Variants in SLC9C2 observed in about 807,000 individuals in gnomAD.
The protein encoded by SLC9C2 is sodium/hydrogen exchanger 11.
SLC9C2 carries 75 observed loss-of-function variants against 140.2 expected under a neutral mutation model. The observed-to-expected ratio is 0.53, with a 90% confidence interval of 0.44 to 0.65. The LOEUF (loss-of-function observed/expected upper bound fraction) is 0.65, where lower values mean the gene tolerates loss of function less well. Among genes scored for constraint, SLC9C2 ranks in the 30% least tolerant of loss-of-function variants. The pLI is 0.00. For missense variants in SLC9C2, 1,074 were observed against 1,331.8 expected, an observed-to-expected ratio of 0.81 and a Z score of 3.01; for synonymous variants, 375 against 420.9, an observed-to-expected ratio of 0.89 and a Z score of 1.34.
chr1:173,521,497 ATGATTTTATTATATATGTGTGTGTGTG>A (rs1660820930), intron 21 of SLC9C2, 98 bp from the exon 22 acceptor site: 14 of 257,220 alleles, frequency 5.4e-5, no homozygotes, highest in Non-Finnish European at 8.5e-5. Flanking sequence ...ATATATATAT[ATGATTTTATTATATATGTGTGTGTGTG>A]TATATATATA....
chr1:173,540,610 C>T (rs905699322), intron 13 of SLC9C2, among the ~76,000 whole-genome samples: 7 of 152,076 alleles, frequency 4.6e-5, no homozygotes, highest in African/African-American at 1.7e-4. Context: ...GTACCACTGG[C>T]CAGGCTGTCA....
intron 24 of SLC9C2, 57 bp from the exon 25 acceptor site, chr1:173,507,098 G>C: frequency 7.7e-7 from 1 of 1,305,694 alleles, no homozygotes; most frequent in Non-Finnish European, 1.0e-6. Flanking sequence ...ATGGTATCAA[G>C]AAGAAAACAG....
At chr1:173,539,908 T>C (rs1461954408) in intron 13 of SLC9C2, among the ~76,000 whole-genome samples, 3 of 152,208 alleles carry the variant, frequency 2.0e-5, no homozygotes, top group Non-Finnish European at 2.9e-5. Flanking sequence ...GACTGCAGTG[T>C]GTCATGCCTC....
chr1:173,509,029 C>CT lies in SLC9C2; in HGVS notation c.3039+538dup, dbSNP rs1553245849. Among the ~76,000 whole-genome samples, 396 of 146,742 alleles carry CT rather than the reference C, an allele frequency of 2.7e-3. 5 individuals are homozygous for CT. The highest frequency in any genetic ancestry group is 8.2e-3 in the African/African-American group (329 of 40,242). On this transcript the variant is annotated intron_variant, in intron 24 of 27. Coordinates refer to ENST00000367714, the MANE Select transcript of SLC9C2 (RefSeq NM_178527.4). ...ATTTTGAATTTGCTAAATCTACCTT[C>CT]TTTTTTTTTTTAGAAATGATTGCAA...
chr1:173,515,595 C>T (rs536784574), intron 23 of SLC9C2, among the ~76,000 whole-genome samples: 241 of 152,280 alleles, frequency 1.6e-3, no homozygotes, highest in Non-Finnish European at 3.0e-3. Flanking sequence ...TCTTTAGATT[C>T]GGTTTGAACA....
chr1:173,560,807 GT>G (rs927510813), intron 9 of SLC9C2, among the ~76,000 whole-genome samples: 1 of 151,516 alleles, frequency 6.6e-6, no homozygotes, highest in African/African-American at 2.4e-5. Context: ...AATTTTTATT[GT>G]TTTTTTTAGA....
At chr1:173,598,153 T>A (rs1666548143) in intron 3 of SLC9C2, 121 bp from the exon 4 acceptor site, 3 of 1,072,648 alleles carry the variant, frequency 2.8e-6, no homozygotes, top group Non-Finnish European at 3.9e-6. Context: ...AACGAGAGAG[T>A]ATCTACAAGG....
chr1:173,501,505 CTTTTTT>C (rs35363966), intron 27 of SLC9C2, among the ~76,000 whole-genome samples: 74 of 96,318 alleles, frequency 7.7e-4, no homozygotes, highest in South Asian at 4.3e-3. Context: ...TTATTTGACT[CTTTTTT>C]TTTTTTTTTT....
At chr1:173,587,904 A>G (rs1054741139) in intron 4 of SLC9C2, 74 bp from the exon 5 acceptor site, 36 of 1,179,058 alleles carry the variant, frequency 3.1e-5, no homozygotes, top group South Asian at 8.3e-5. Context: ...TTATATCCTA[A>G]GAGTCAGATC....
At chr1:173,539,453 C>A (rs1662213872) in intron 13 of SLC9C2, among the ~76,000 whole-genome samples, 1 of 152,120 alleles carries the variant, frequency 6.6e-6, no homozygotes, top group South Asian at 2.1e-4. Flanking sequence ...CTCCAGCAAC[C>A]AATGGTCTAA....
At chr1:173,530,766 AGG>A (rs1029568106) in intron 17 of SLC9C2, among the ~76,000 whole-genome samples, 6 of 152,186 alleles carry the variant, frequency 3.9e-5, no homozygotes, top group Non-Finnish European at 8.8e-5. Flanking sequence ...TCACACAGAC[AGG>A]GGGCTTCCCA....
intron 13 of SLC9C2, among the ~76,000 whole-genome samples, chr1:173,538,994 C>A (rs1370575722): frequency 6.6e-6 from 1 of 152,174 alleles, no homozygotes; most frequent in Non-Finnish European, 1.5e-5. Flanking sequence ...ATGTTGCATT[C>A]TATAGTCTCT....
intron 22 of SLC9C2, among the ~76,000 whole-genome samples, chr1:173,519,106 A>G (rs1660623399): frequency 6.6e-6 from 1 of 152,132 alleles, no homozygotes; most frequent in African/African-American, 2.4e-5. Context: ...TGATTAAACA[A>G]CAGACGGGAA....
At chr1:173,536,011 T>C (rs1467091137) in intron 14 of SLC9C2, 62 bp from the exon 15 acceptor site, 7 of 1,378,924 alleles carry the variant, frequency 5.1e-6, no homozygotes, top group Non-Finnish European at 6.8e-6. Flanking sequence ...TTTGGGTTAA[T>C]ATAAAAGGGG....
intron 4 of SLC9C2, chr1:173,596,505 T>C (rs1361465443): frequency 6.6e-6 from 1 of 152,156 alleles, no homozygotes; most frequent in Non-Finnish European, 1.5e-5. Flanking sequence ...TTTTAGTGTG[T>C]ATTTCTCTAA....
chr1:173,514,214 T>A (rs1190960529), intron 23 of SLC9C2, among the ~76,000 whole-genome samples: 1 of 152,206 alleles, frequency 6.6e-6, no homozygotes, highest in Non-Finnish European at 1.5e-5. Flanking sequence ...TGAATATGCT[T>A]GTTAATTTTC....
At position 173,600,161 on chromosome 1, in the gene SLC9C2, G is replaced by C; in HGVS notation, c.184C>G (p.Leu62Val). Residue 62 changes from leucine to valine, a missense_variant, in exon 3 of 28, where the codon CTA becomes GTA. Leu to Val is a conservative substitution (Grantham distance 32, BLOSUM62 1). Transcript: ENST00000367714. The part of the protein sequence containing the change: ...CEVIVLTILS[L>V]SGFVIGHMAY... ...ATGTGTCCTATCACGAATCCTGATA[G>C]AGAAAGAATCGTCAAAACAATGACT... The C allele has an allele frequency of 6.2e-7, 1 of 1,612,118 alleles. No homozygotes were observed. The highest frequency in any genetic ancestry group is 8.5e-7 in the Non-Finnish European group (1 of 1,179,024).
chr1:173,502,272 CAAAAAAAAAAAAAAA>C (rs34183286), intron 27 of SLC9C2, among the ~76,000 whole-genome samples: 2 of 40,784 alleles, frequency 4.9e-5, no homozygotes, highest in African/African-American at 1.5e-4. Context: ...GATTCCATCT[CAAAAAAAAAAAAAAA>C]AAAAAAAAAA....
chr1:173,577,642 G>A (rs1476298043), intron 7 of SLC9C2, among the ~76,000 whole-genome samples: 4 of 152,048 alleles, frequency 2.6e-5, no homozygotes, highest in Admixed American at 1.3e-4. Context: ...TAGTGGCCCC[G>A]TAACTATAAA....
Sources: gnomAD v4.1 joint callset for allele counts (sites outside exome capture counted in the v4.1 genomes callset) on GRCh38, gnomAD v4.1.1 for gene constraint, MANE v1.5 for transcripts, NCBI Gene and HGNC (gene_info 2026-07-23, HGNC 2026-07-21) for gene names.